The following MYO7B variants were observed in gnomAD, a reference collection of about 807,000 sequenced individuals.
MYO7B encodes myosin VIIB, also known as unconventional myosin-VIIb.
MYO7B carries 212 observed loss-of-function variants against 259.7 expected under a neutral mutation model. That is an observed-to-expected ratio of 0.82 (90% CI 0.73 to 0.91). MYO7B has a LOEUF of 0.91. MYO7B is among the 40% of genes least tolerant of loss of function. MYO7B has a pLI of 0.00. For missense variants in MYO7B, 2,732 were observed against 2,813.5 expected (o/e 0.97, Z 0.66); for synonymous variants, 1,197 against 1,166.4 (o/e 1.03, Z -0.54).
At chr2:127,610,357 C>T (rs1680336606) in intron 24 of MYO7B, among the ~76,000 whole-genome samples, 1 of 152,200 alleles carries the variant, frequency 6.6e-6, no homozygotes, top group East Asian at 1.9e-4. Context: ...TCTGTGCCAG[C>T]TGCTACTCTT....
rs758694260 is a variant in MYO7B, at chr2:127,584,881, A to G, written c.1658A>G (p.His553Arg). The G allele has an allele frequency of 5.0e-6, 8 of 1,613,720 alleles. No individual in the cohort carries two copies. In the East Asian group the frequency reaches 1.3e-4, roughly 27 times the overall value. Residue 553 changes from histidine to arginine, a missense_variant, in exon 14 of 48, where the codon CAT (histidine) becomes CGT (arginine). By Grantham distance (29) the His-to-Arg change is conservative (BLOSUM62 0). Transcript: ENST00000409816. The surrounding 1 kb of genome is among the most constrained non-coding windows in gnomAD (Gnocchi z 5.8). ...NIHDARFGIAHFAGEVYYQAE... is the reference protein window; with the variant it reads ...NIHDARFGIARFAGEVYYQAE... ...CACGATGCCAGATTTGGCATTGCCC[A>G]TTTTGCCGGCGAGGTGTACTACCAA...
At chr2:127,623,486 G>A in intron 29 of MYO7B, 111 bp downstream of exon 29, 1 of 1,190,912 alleles carries the variant, frequency 8.4e-7, no homozygotes, top group Non-Finnish European at 1.1e-6. Flanking sequence ...TACCCTCCCA[G>A]CTGCCAGGCA....
At chr2:127,548,250 A>G (rs551661193) in intron 1 of MYO7B, among the ~76,000 whole-genome samples, 1 of 152,204 alleles carries the variant, frequency 6.6e-6, no homozygotes, top group Admixed American at 6.5e-5. Flanking sequence ...ATGTTTGCAA[A>G]GAACCAGTTT....
chr2:127,602,958 C>G (rs1001306718), intron 19 of MYO7B, among the ~76,000 whole-genome samples: 1 of 151,840 alleles, frequency 6.6e-6, no homozygotes, highest in African/African-American at 2.4e-5. Context: ...CGAGATTGCA[C>G]CACTGTACTC....
intron 1 of MYO7B, among the ~76,000 whole-genome samples, chr2:127,541,663 G>A (rs780222285): frequency 6.6e-6 from 1 of 152,166 alleles, no homozygotes; most frequent in Non-Finnish European, 1.5e-5. Context: ...TGGTGGGGAG[G>A]GATAAACTTG....
chr2:127,538,690 C>G (rs187407325), intron 1 of MYO7B, among the ~76,000 whole-genome samples: 7 of 151,942 alleles, frequency 4.6e-5, no homozygotes, highest in Non-Finnish European at 8.8e-5. Context: ...CTCAGCCTCC[C>G]GAGTAGCTGG....
At position 127,586,945 on chromosome 2, in the gene MYO7B, C is replaced by T. The variant is rs1679328022; in HGVS notation, c.1691-1447C>T. Among the ~76,000 whole-genome samples the T allele has an allele frequency of 1.3e-5, 2 of 152,112 alleles. No homozygotes were observed. Among genetic ancestry groups the T allele is most frequent in the Admixed American group, 6.5e-5 (1 of 15,278 alleles). The stretch of plus-strand genomic sequence containing the variant: ...GTGTCACCGAGTGTCCACCCCCTGC[C>T]CAGCACCCAGTGCAGCCCCCCTGGT... On this transcript the variant is annotated intron_variant, in intron 14 of 47. Transcript: ENST00000409816. This position sits in a 1 kb window ranked among gnomAD's most constrained non-coding sequence, Gnocchi z 4.8.
chr2:127,628,241 TG>T lies in MYO7B; in HGVS notation c.4461-129del. On this transcript the variant is annotated intron_variant, in intron 33 of 47. Coordinates refer to ENST00000409816, the MANE Select transcript of MYO7B (RefSeq NM_001393586.1). The surrounding 1 kb of genome is among the most constrained non-coding windows in gnomAD (Gnocchi z 4.8). ...CCCACAGTGGTGTCTGGCCTAGTCCTGGCCCTGGCAGAGCAGCTCTGTGTCC... is the reference window on the plus strand; with the variant it reads ...CCCACAGTGGTGTCTGGCCTAGTCCTGCCCTGGCAGAGCAGCTCTGTGTCC... The T allele has an allele frequency of 1.8e-6, 2 of 1,134,738 alleles. No homozygotes were observed. The highest frequency in any genetic ancestry group is 2.6e-6 in the Non-Finnish European group (2 of 781,420). 70.3% of individuals were successfully genotyped at this position (1,134,738 alleles called of 1,614,324 possible). A position where few individuals can be genotyped will look rare whatever the true frequency, so the allele number is the denominator to read the frequency against.
chr2:127,569,849 C>A lies in MYO7B; in HGVS notation c.531C>A (p.Thr177=), dbSNP rs1678513647. ...AGCTCATCCTGCAGTTCCTGGCCAC[C>A]ATCAGTGGCCAGCATTCGTGGATTG... is the stretch of plus-strand genomic sequence containing the variant. ...TTKLILQFLA[T]ISGQHSWIEQ... The change falls in exon 6 of 48, where the codon ACC becomes ACA. Residue 177 remains threonine (T), a synonymous_variant. Coordinates refer to ENST00000409816, the MANE Select transcript of MYO7B (RefSeq NM_001393586.1). 1 of 1,613,362 alleles carries A rather than the reference C, an allele frequency of 6.2e-7. No homozygotes were observed. Among genetic ancestry groups the A allele is most frequent in the Non-Finnish European group, 8.5e-7 (1 of 1,179,514 alleles).
chr2:127,582,435 C>T lies in MYO7B; in HGVS notation c.1332C>T (p.Phe444=), dbSNP rs774031175. The part of the protein sequence containing the change: ...GLLDIFGFEN[F]ENNSFEQLCI... ...TGGACATATTTGGCTTTGAAAATTT[C>T]GAGAACAATAGGTATGAAGATCTCA... The change falls in exon 12 of 48, where the codon TTC becomes TTT. Residue 444 remains phenylalanine, a synonymous_variant. Coordinates refer to ENST00000409816, the MANE Select transcript of MYO7B (RefSeq NM_001393586.1). 1.2e-5 allele frequency: 19 copies of T among 1,613,034 alleles called. No homozygotes were observed. The highest frequency in any genetic ancestry group is 2.2e-5 in the South Asian group (2 of 90,748).
At chr2:127,592,763 C>T (rs748878577) in intron 16 of MYO7B, 31 bp from the exon 17 acceptor site, 61 of 1,593,728 alleles carry the variant, frequency 3.8e-5, no homozygotes, top group Non-Finnish European at 5.0e-5. Context: ...GTGGGGCTTG[C>T]GCTGGGTCAG....
chr2:127,609,417 CGTGCTGCCCGGCCTGCTGG>C lies in MYO7B; in HGVS notation c.2815-88_2815-70del. ...GGGATCAGGGTAATGCAACAGCCCC[CGTGCTGCCCGGCCTGCTGG>C]ACAGTCAGCTGATGGGTTGGTTGTT... is the stretch of plus-strand genomic sequence containing the variant. On this transcript the variant is annotated intron_variant, in intron 22 of 47. Transcript: ENST00000409816. This position sits in a 1 kb window ranked among gnomAD's most constrained non-coding sequence, Gnocchi z 6.9. 8.1e-7 allele frequency: 1 copy of C among 1,232,396 alleles called. No homozygotes were observed. The highest frequency in any genetic ancestry group is 1.2e-6 in the Non-Finnish European group (1 of 866,362). 76.3% of individuals were successfully genotyped at this position (1,232,396 alleles called of 1,614,324 possible). A position where few individuals can be genotyped will look rare whatever the true frequency, so the allele number is the denominator to read the frequency against.
Position 127,615,929 on chromosome 2 carries a change from T to C in MYO7B, c.3398+3326T>C, listed in dbSNP as rs1174758534. On this transcript the variant is annotated intron_variant, in intron 26 of 47. Transcript: ENST00000409816. The surrounding 1 kb of genome is among the most constrained non-coding windows in gnomAD (Gnocchi z 4.4). Reference sequence around the variant, plus strand: ...CAGGTCCCTCCAGTCTCCCGTTGCATGGTCGCACACAACTTGAGGGCACCT... The same window carrying C: ...CAGGTCCCTCCAGTCTCCCGTTGCACGGTCGCACACAACTTGAGGGCACCT... Among the ~76,000 whole-genome samples, 1 of 152,196 alleles carries C rather than the reference T, an allele frequency of 6.6e-6. No homozygotes were observed. Among genetic ancestry groups the C allele is most frequent in the African/African-American group, 2.4e-5 (1 of 41,440 alleles).
chr2:127,583,950 A>G (rs1239716148), intron 12 of MYO7B, among the ~76,000 whole-genome samples, 172 bp from the exon 13 acceptor site: 1 of 127,860 alleles, frequency 7.8e-6, no homozygotes. Flanking sequence ...CAGACAGAGG[A>G]GAGAGAGTGT....
In MYO7B at chr2:127,612,576, G is replaced by C. The variant is rs770016730; in HGVS notation, c.3371G>C (p.Gly1124Ala). 2 of 1,608,342 alleles carry C rather than the reference G, an allele frequency of 1.2e-6. No homozygotes were observed. The highest frequency in any genetic ancestry group is 1.7e-6 in the Non-Finnish European group (2 of 1,177,744). ...SNLEKVHFIV[G>A]YAILRPSLRD... The stretch of plus-strand genomic sequence containing the variant: ...CTGGAGAAGGTGCACTTCATCGTGG[G>C]CTACGCCATCCTGCGGCCCAGCCTC... The change falls in exon 26 of 48, where the codon GGC becomes GCC. Residue 1124 changes from glycine to alanine, a missense_variant. By Grantham distance (60) the Gly-to-Ala change is moderately conservative (BLOSUM62 0). This residue lies in a region of MYO7B where 1,906 missense variants were observed against 2,026.4 expected (regional missense o/e 0.94). Coordinates refer to ENST00000409816, the MANE Select transcript of MYO7B (RefSeq NM_001393586.1).
intron 9 of MYO7B, among the ~76,000 whole-genome samples, chr2:127,580,084 G>A (rs1679039479): frequency 6.6e-6 from 1 of 152,186 alleles, no homozygotes; most frequent in African/African-American, 2.4e-5. Flanking sequence ...ACGTGGTGCT[G>A]ACTTTATTCT....
rs1417372239 is a variant in MYO7B at position 127,569,916 on chromosome 2, C to T, written c.592+6C>T. The T allele has an allele frequency of 2.5e-6, 4 of 1,610,146 alleles. No homozygotes were observed. In the East Asian group the frequency reaches 6.7e-5, roughly 27 times the overall value. On this transcript the variant is annotated splice_donor_region_variant and intron_variant, in intron 6 of 47. Transcript: ENST00000409816. ...AGCCAACCCCATCCTGGAGGGTAAG[C>T]ATCACTCTGGGACCCGCCCTTCTCC...
At chr2:127,620,560 T>C in intron 27 of MYO7B, 94 bp downstream of exon 27, 1 of 1,350,660 alleles carries the variant, frequency 7.4e-7, no homozygotes, top group Non-Finnish European at 9.7e-7. Flanking sequence ...CAGATTCCAG[T>C]ACGTGGCCCA....
At position 127,625,398 on chromosome 2, in the gene MYO7B, C is replaced by T. The variant is rs775794044; in HGVS notation, c.4078C>T (p.His1360Tyr). 1.9e-6 allele frequency: 3 copies of T among 1,602,004 alleles called. No homozygotes were observed. The Admixed American group carries it at 5.1e-5, about 27-fold the overall frequency. Residue 1360 changes from histidine (H) to tyrosine (Y), a missense_variant, in exon 31 of 48, where the codon CAC becomes TAC. Coordinates refer to ENST00000409816, the MANE Select transcript of MYO7B (RefSeq NM_001393586.1). ...EEELVELLAR[H>Y]CYVQLGASAE... ...AGAGCTGGTTGAGCTGCTGGCCCGG[C>T]ACTGCTACGTGCAGCTCGGCGCCTC...
Sources: gnomAD v4.1 joint callset for allele counts (sites outside exome capture counted in the v4.1 genomes callset) on GRCh38, gnomAD v4.1.1 for gene constraint, gnomAD v4.1.1 regional missense constraint, Gnocchi (gnomAD v3.1) non-coding constraint, MANE v1.5 for transcripts, NCBI Gene and HGNC (gene_info 2026-07-23, HGNC 2026-07-21) for gene names.